Variants in CDH6 observed in about 807,000 individuals in gnomAD.
The protein encoded by CDH6 is cadherin 6, also known as cadherin-6.
In CDH6, 31 loss-of-function variants were observed where a neutral mutation model predicts 78.0. That is an observed-to-expected ratio of 0.40 (90% CI 0.30 to 0.54). CDH6 has a LOEUF of 0.54. CDH6 is among the 20% of genes least tolerant of loss of function. The probability of loss-of-function intolerance (pLI) is 0.56; values close to 1 mark genes in which losing one functional copy is unlikely to be tolerated. For missense variants in CDH6, 724 were observed against 975.9 expected, an observed-to-expected ratio of 0.74 and a Z score of 3.44; for synonymous variants, 376 against 368.8, an observed-to-expected ratio of 1.02 and a Z score of -0.23.
At chr5:31,261,304 A>C (rs980628808) in intron 1 of CDH6, among the ~76,000 whole-genome samples, 4 of 152,226 alleles carry the variant, frequency 2.6e-5, no homozygotes, top group Non-Finnish European at 4.4e-5. Context: ...AAAAGTCATA[A>C]ATAACCAGCT....
chr5:31,322,817 G>T lies in CDH6; in HGVS notation c.1883-1G>T. 1 of 1,603,090 alleles carries T rather than the reference G, an allele frequency of 6.2e-7. No individual in the cohort carries two copies. Among genetic ancestry groups the T allele is most frequent in the Non-Finnish European group, 8.5e-7 (1 of 1,173,210 alleles). On this transcript the variant is annotated splice_acceptor_variant, in intron 11 of 11. Coordinates refer to ENST00000265071, the MANE Select transcript of CDH6 (RefSeq NM_004932.4). LOFTEE classifies it high-confidence loss of function. ...CTTTCTGTTTTGTTTTCTGCTTCCAGTGACAGTGGTGCTGTTTGCAGCTCT... is the reference window on the plus strand; with the variant it reads ...CTTTCTGTTTTGTTTTCTGCTTCCATTGACAGTGGTGCTGTTTGCAGCTCT...
intron 1 of CDH6, among the ~76,000 whole-genome samples, chr5:31,223,110 A>G (rs1315092425): frequency 6.6e-6 from 1 of 152,148 alleles, no homozygotes; most frequent in Non-Finnish European, 1.5e-5. Flanking sequence ...CAGTACCTGA[A>G]AAAAATACAT....
At chr5:31,314,298 C>A (rs368016175) in intron 8 of CDH6, among the ~76,000 whole-genome samples, 5 of 111,848 alleles carry the variant, frequency 4.5e-5, no homozygotes, top group South Asian at 3.8e-4. Context: ...ATCCCTCCCC[C>A]CTCCCCCCAC....
chr5:31,303,532 A>G (rs1215886585), intron 6 of CDH6, among the ~76,000 whole-genome samples: 1 of 152,204 alleles, frequency 6.6e-6, no homozygotes, highest in Admixed American at 6.5e-5. Context: ...GTACTGGTTC[A>G]TTATTTTATC....
rs918386310 is a variant in CDH6 at position 31,326,118 on chromosome 5, A to G, written c.*2810A>G. Reference sequence around the variant, plus strand: ...TTTTCATTGTCTGTTTCCTAATTTTAGATGTTGGTGATGGGAAAGATGGAA... The same window carrying G: ...TTTTCATTGTCTGTTTCCTAATTTTGGATGTTGGTGATGGGAAAGATGGAA... On this transcript the variant is annotated 3_prime_UTR_variant, in exon 12 of 12. Transcript: ENST00000265071. The G allele has an allele frequency of 7.4e-5, 17 of 230,410 alleles. No homozygotes were observed. The highest frequency in any genetic ancestry group is 3.5e-4 in the African/African-American group (16 of 45,268). The allele number at this position is 230,410 out of a possible 1,614,324, so 14.3% of individuals were successfully genotyped here.
intron 1 of CDH6, among the ~76,000 whole-genome samples, chr5:31,220,476 T>C (rs958417845): frequency 1.3e-5 from 2 of 152,192 alleles, no homozygotes; most frequent in Admixed American, 1.3e-4. Context: ...TCTTCTCTCA[T>C]CTGTTCATTC....
In CDH6 at chr5:31,323,320, T is replaced by C. The variant is rs1380409124; in HGVS notation, c.*12T>C. ...ACAAAGACTCCTAATCTGTTGCCTT[T>C]TTCATTTTCCAATACGACACTGAAA... On this transcript the variant is annotated 3_prime_UTR_variant, in exon 12 of 12. Transcript: ENST00000265071. 6.3e-7 allele frequency: 1 copy of C among 1,595,182 alleles called. No homozygotes were observed. The highest frequency in any genetic ancestry group is 1.7e-5 in the Admixed American group (1 of 58,774).
chr5:31,324,350 C>T lies in CDH6; in HGVS notation c.*1042C>T, dbSNP rs1050612596. The stretch of plus-strand genomic sequence containing the variant: ...TAGATTAAATAAAACTTAAATCTCA[C>T]TCTAGGAGTTCAGTGGAGAGGTTAG... On this transcript the variant is annotated 3_prime_UTR_variant, in exon 12 of 12. Coordinates refer to ENST00000265071, the MANE Select transcript of CDH6 (RefSeq NM_004932.4). 4.7e-6 allele frequency: 1 copy of T among 214,408 alleles called. No homozygotes were observed. The highest frequency in any genetic ancestry group is 9.4e-6 in the Non-Finnish European group (1 of 106,336). The allele number at this position is 214,408 out of a possible 1,614,324, so 13.3% of individuals were successfully genotyped here.
intron 7 of CDH6, among the ~76,000 whole-genome samples, chr5:31,311,436 ATCTT>A (rs918624737): frequency 6.6e-6 from 1 of 152,122 alleles, no homozygotes; most frequent in Non-Finnish European, 1.5e-5. Flanking sequence ...ACTTTCCCAC[ATCTT>A]TCTTTCTTCT....
chr5:31,215,830 G>A (rs1254029589), intron 1 of CDH6, among the ~76,000 whole-genome samples: 3 of 152,252 alleles, frequency 2.0e-5, no homozygotes, highest in East Asian at 3.9e-4. Flanking sequence ...AGGAAACCAG[G>A]CAGCTCCCTT....
At chr5:31,258,875 A>ACC (rs1742130804) in intron 1 of CDH6, among the ~76,000 whole-genome samples, 1 of 152,236 alleles carries the variant, frequency 6.6e-6, no homozygotes, top group East Asian at 1.9e-4. Context: ...TGTGGGCAGC[A>ACC]GCCTGGCACA....
In CDH6 at chr5:31,326,492, C is replaced by A. The variant is rs372309847; in HGVS notation, c.*3184C>A. ...AACCACAAGAGAGGGAATGTGGGCA[C>A]AGTAAATAGATGTTTCTTTCAGAAC... On this transcript the variant is annotated 3_prime_UTR_variant, in exon 12 of 12. Coordinates refer to ENST00000265071, the MANE Select transcript of CDH6 (RefSeq NM_004932.4). 1 of 196,418 alleles carries A rather than the reference C, an allele frequency of 5.1e-6. No homozygotes were observed. Among genetic ancestry groups the A allele is most frequent in the African/African-American group, 2.3e-5 (1 of 43,344 alleles). The allele number at this position is 196,418 out of a possible 1,614,324, so 12.2% of individuals were successfully genotyped here. A position where few individuals can be genotyped will look rare whatever the true frequency, so the allele number is the denominator to read the frequency against.
rs894304475 is a variant in CDH6, at chr5:31,313,223, G to T, written c.1254-95G>T. On this transcript the variant is annotated intron_variant, in intron 7 of 11. Transcript: ENST00000265071. Reference sequence around the variant, plus strand: ...AAAAATTTATGCCACAGATACTCTGGGATATGATGTGTACCAGATGTTTTA... The same window carrying T: ...AAAAATTTATGCCACAGATACTCTGTGATATGATGTGTACCAGATGTTTTA... The T allele has an allele frequency of 2.7e-6, 3 of 1,102,460 alleles. No homozygotes were observed. The African/African-American group carries it at 4.7e-5, about 17-fold the overall frequency. 68.3% of individuals were successfully genotyped at this position (1,102,460 alleles called of 1,614,324 possible).
At chr5:31,272,256 C>A (rs890235765) in intron 2 of CDH6, among the ~76,000 whole-genome samples, 1 of 152,126 alleles carries the variant, frequency 6.6e-6, no homozygotes, top group Non-Finnish European at 1.5e-5. Flanking sequence ...ATTGAACAAC[C>A]AGCAGAGTGA....
At chr5:31,276,159 C>G (rs1742687623) in intron 2 of CDH6, among the ~76,000 whole-genome samples, 1 of 152,196 alleles carries the variant, frequency 6.6e-6, no homozygotes, top group African/African-American at 2.4e-5. Flanking sequence ...GCGTTCTTTG[C>G]AAACCTTTCT....
At chr5:31,209,351 G>A (rs1230642392) in intron 1 of CDH6, among the ~76,000 whole-genome samples, 2 of 152,112 alleles carry the variant, frequency 1.3e-5, no homozygotes, top group African/African-American at 4.8e-5. Context: ...CAATTCTCTT[G>A]CTTAAAGCCT....
intron 2 of CDH6, 132 bp from the exon 3 acceptor site, chr5:31,293,830 T>TAAAAA (rs200606558): frequency 1.7e-4 from 76 of 449,178 alleles, no homozygotes; most frequent in Middle Eastern, 1.2e-3. Flanking sequence ...ACGTAAATAG[T>TAAAAA]AAAAAAAAAA....
At position 31,327,987 on chromosome 5, in the gene CDH6, G is replaced by T; in HGVS notation, c.*4679G>T. The stretch of plus-strand genomic sequence containing the variant: ...CCCTTTTTGTAATACCTTATTTATG[G>T]TGCATTTTCATTTTTATTTGGGGGA... On this transcript the variant is annotated 3_prime_UTR_variant, in exon 12 of 12. Coordinates refer to ENST00000265071, the MANE Select transcript of CDH6 (RefSeq NM_004932.4). The T allele has an allele frequency of 4.7e-6, 1 of 214,300 alleles. No homozygotes were observed. The highest frequency in any genetic ancestry group is 9.4e-6 in the Non-Finnish European group (1 of 106,260). 13.3% of individuals were successfully genotyped at this position (214,300 alleles called of 1,614,324 possible). A position where few individuals can be genotyped will look rare whatever the true frequency, so the allele number is the denominator to read the frequency against.
At chr5:31,231,092 A>G (rs181281132) in intron 1 of CDH6, among the ~76,000 whole-genome samples, 172 of 152,348 alleles carry the variant, frequency 1.1e-3, no homozygotes, top group African/African-American at 4.0e-3. Context: ...TCTGGATAAC[A>G]GTCTTCACTG....
Sources: allele counts gnomAD v4.1 joint callset (sites outside exome capture counted in the v4.1 genomes callset), GRCh38; gene constraint gnomAD v4.1.1; transcripts MANE v1.5; gene names NCBI Gene and HGNC (gene_info 2026-07-23, HGNC 2026-07-21).